PCDHA7: variants seen among roughly 807,000 people sequenced by gnomAD.
The protein encoded by PCDHA7 is protocadherin alpha 7.
PCDHA7 carries 37 observed loss-of-function variants against 57.2 expected under a neutral mutation model. That is an observed-to-expected ratio of 0.65 (90% CI 0.50 to 0.85). The LOEUF (loss-of-function observed/expected upper bound fraction) is 0.85, where lower values mean the gene tolerates loss of function less well. Ranked by LOEUF, PCDHA7 falls within the 40% of genes least tolerant of loss-of-function variation. PCDHA7 has a pLI of 0.00. For synonymous variants in PCDHA7, 553 were observed against 558.8 expected (o/e 0.99, Z 0.15); for missense variants, 1,188 against 1,241.8 (o/e 0.96, Z 0.65).
chr5:140,839,371 A>G (rs1475600989), intron 1 of PCDHA7, among the ~76,000 whole-genome samples: 2 of 67,948 alleles, frequency 2.9e-5, no homozygotes, highest in Admixed American at 1.8e-4. Context: ...AGCTGTATTC[A>G]TCAATTATTA....
rs552891884 is a variant in PCDHA7 at position 140,857,764 on chromosome 5, G to A, written c.2355+21026G>A. The A allele has an allele frequency of 3.8e-6, 6 of 1,597,520 alleles. 2 individuals carry two copies. In the African/African-American group the frequency reaches 5.4e-5, roughly 14 times the overall value. On this transcript the variant is annotated intron_variant, in intron 1 of 3. Coordinates refer to ENST00000525929, the MANE Select transcript of PCDHA7 (RefSeq NM_018910.3). ...TGCTGGCGTCTCCCGCTGGCAGCGC[G>A]GGCGGTGCAGTCAGTGAGCTGGTGC...
chr5:140,883,147 T>C, intron 1 of PCDHA7: 2 of 1,614,064 alleles, frequency 1.2e-6, no homozygotes, highest in Non-Finnish European at 1.7e-6. Context: ...TATATGCATT[T>C]ACCATAAATC....
intron 1 of PCDHA7, among the ~76,000 whole-genome samples, chr5:140,921,217 T>G (rs2080100928): frequency 6.6e-6 from 1 of 152,122 alleles, no homozygotes; most frequent in African/African-American, 2.4e-5. Flanking sequence ...ATTCACGTCT[T>G]TTTTGCTAGA....
chr5:140,835,233 G>A lies in PCDHA7; in HGVS notation c.850G>A (p.Asp284Asn), dbSNP rs2150232386. 2 of 1,597,634 alleles carry A rather than the reference G, an allele frequency of 1.3e-6. No homozygotes were observed. Among genetic ancestry groups the A allele is most frequent in the Non-Finnish European group, 1.7e-6 (2 of 1,171,948 alleles). Residue 284 changes from aspartate (D) to asparagine (N), a missense_variant, in exon 1 of 4, where the codon GAT becomes AAT. Physicochemically the swap from Asp to Asn is conservative, Grantham distance 23 (BLOSUM62 1). Around this residue, in one of 3 missense-constraint regions of PCDHA7, gnomAD observed 102 missense variants for 267.4 expected, o/e 0.38. Transcript: ENST00000525929. ...GGATATTATTTACTCCTTCTCCAGT[G>A]ATGTTTCTCCAGATATAAAATCCAA... The part of the protein sequence containing the change: ...NGDIIYSFSS[D>N]VSPDIKSKFH...
chr5:140,885,925 T>A lies in PCDHA7; in HGVS notation c.2355+49187T>A, dbSNP rs1431219397. The stretch of plus-strand genomic sequence containing the variant: ...CTGTACCTTATAGATATTAACTGTT[T>A]ATCTATTTTTTGACATTTTTAATTA... On this transcript the variant is annotated intron_variant, in intron 1 of 3. Coordinates refer to ENST00000525929, the MANE Select transcript of PCDHA7 (RefSeq NM_018910.3). 2.0e-5 allele frequency among the ~76,000 whole-genome samples: 3 copies of A among 151,896 alleles called. No homozygotes were observed. In the East Asian group the frequency reaches 5.8e-4, roughly 29 times the overall value.
intron 1 of PCDHA7, chr5:140,929,303 A>G (rs782378312): frequency 1.1e-5 from 17 of 1,586,722 alleles, no homozygotes; most frequent in Non-Finnish European, 1.1e-5. Context: ...AGGAAAGGGG[A>G]TCACGCTAAT....
chr5:140,920,841 T>TAA (rs781921146), intron 1 of PCDHA7, among the ~76,000 whole-genome samples: 36 of 109,202 alleles, frequency 3.3e-4, no homozygotes, highest in African/African-American at 8.5e-4. Flanking sequence ...AGACCAAATC[T>TAA]AAAAAAAAAA....
intron 1 of PCDHA7, among the ~76,000 whole-genome samples, chr5:140,840,697 A>G (rs2150308964): frequency 0.01 from 1,558 of 152,188 alleles, 49 homozygotes; most frequent in African/African-American, 0.036. Context: ...AAAACGGTTC[A>G]GGCAATTTGA....
intron 1 of PCDHA7, among the ~76,000 whole-genome samples, chr5:140,891,208 C>T (rs2062983751): frequency 1.3e-5 from 2 of 152,002 alleles, no homozygotes; most frequent in African/African-American, 4.8e-5. Context: ...TTTTACCATG[C>T]TGTGTCTTTA....
At chr5:140,959,499 C>T (rs2095491321) in intron 1 of PCDHA7, among the ~76,000 whole-genome samples, 1 of 151,982 alleles carries the variant, frequency 6.6e-6, no homozygotes. Flanking sequence ...ATGGATCAAA[C>T]TAAAAAATTT....
At chr5:140,869,843 A>C in intron 1 of PCDHA7, 1 of 1,611,638 alleles carries the variant, frequency 6.2e-7, no homozygotes, top group East Asian at 2.2e-5. Context: ...AAATCAGAAT[A>C]TAAGGTGAGC....
intron 1 of PCDHA7, chr5:140,843,835 T>G: frequency 5.5e-6 from 6 of 1,094,648 alleles, no homozygotes; most frequent in Non-Finnish European, 5.3e-6. Context: ...CATTGTTTAG[T>G]TTTTAGAAAC....
chr5:140,987,138 C>T (rs2097231368), intron 3 of PCDHA7, among the ~76,000 whole-genome samples: 1 of 151,182 alleles, frequency 6.6e-6, no homozygotes, highest in Non-Finnish European at 1.5e-5. Context: ...TGCTTGAACT[C>T]GGGAGGTGGA....
chr5:140,950,022 A>G (rs1355491628), intron 1 of PCDHA7, among the ~76,000 whole-genome samples: 1 of 151,918 alleles, frequency 6.6e-6, no homozygotes, highest in Non-Finnish European at 1.5e-5. Flanking sequence ...CCTTCATAAA[A>G]TATAGAAAAG....
intron 1 of PCDHA7, chr5:140,850,637 G>A: frequency 6.3e-7 from 1 of 1,598,640 alleles, no homozygotes; most frequent in Non-Finnish European, 8.6e-7. Flanking sequence ...TGGTTCTCAC[G>A]CTGCTGCTGT....
At chr5:140,917,498 G>A (rs1303014069) in intron 1 of PCDHA7, among the ~76,000 whole-genome samples, 2 of 152,204 alleles carry the variant, frequency 1.3e-5, no homozygotes, top group African/African-American at 4.8e-5. Context: ...TGCCCAGAAT[G>A]ATATTTTCTA....
chr5:140,887,201 A>G (rs1331832646), intron 1 of PCDHA7, among the ~76,000 whole-genome samples: 1 of 150,710 alleles, frequency 6.6e-6, no homozygotes, highest in Non-Finnish European at 1.5e-5. Context: ...GGTTCACGCC[A>G]TTCTCCTGCC....
intron 1 of PCDHA7, chr5:140,850,555 C>A (rs1562471328): frequency 6.3e-7 from 1 of 1,598,250 alleles, no homozygotes; most frequent in Non-Finnish European, 8.6e-7. Flanking sequence ...GTGGGTGCCA[C>A]GGGCCCCGAG....
At chr5:140,855,140 G>C (rs2043352790) in intron 1 of PCDHA7, among the ~76,000 whole-genome samples, 1 of 149,686 alleles carries the variant, frequency 6.7e-6, no homozygotes. Context: ...TTTGCCTGAT[G>C]AGCCAAATTT....
Sources: gnomAD v4.1 joint callset for allele counts (sites outside exome capture counted in the v4.1 genomes callset) on GRCh38, gnomAD v4.1.1 for gene constraint, gnomAD v4.1.1 regional missense constraint, MANE v1.5 for transcripts, NCBI Gene and HGNC (gene_info 2026-07-23, HGNC 2026-07-21) for gene names.